Variants in PROSER2 observed in about 807,000 individuals in gnomAD.
PROSER2 encodes proline and serine-rich protein 2.
PROSER2 carries 18 observed loss-of-function variants against 14.6 expected under a neutral mutation model. The ratio of observed to expected loss-of-function variants is 1.23; its 90% CI spans 0.85 to 1.83. PROSER2 has a LOEUF of 1.83. PROSER2 is among the 40% of genes most tolerant of loss of function. PROSER2 has a pLI of 0.00. For missense variants in PROSER2, 823 were observed against 629.8 expected (o/e 1.31, Z -3.28); for synonymous variants, 367 against 286.4 (o/e 1.28, Z -2.84).
intron 1 of PROSER2, among the ~76,000 whole-genome samples, chr10:11,827,223 T>C (rs1833627857): frequency 6.6e-6 from 1 of 151,828 alleles, no homozygotes. Context: ...CCGGTCCTCC[T>C]AGTGGGTATG....
chr10:11,827,788 C>A (rs1444178243), intron 1 of PROSER2, among the ~76,000 whole-genome samples: 2 of 151,860 alleles, frequency 1.3e-5, no homozygotes, highest in Non-Finnish European at 2.9e-5. Flanking sequence ...AGATGATCCT[C>A]CCCCCTCAGC....
In PROSER2 at chr10:11,847,886, C is replaced by T. The variant is rs147039989; in HGVS notation, c.-81-4111C>T. 3.2e-3 allele frequency among the ~76,000 whole-genome samples: 481 copies of T among 152,296 alleles called. 3 individuals are homozygous for T. The highest frequency in any genetic ancestry group is 0.01 in the Middle Eastern group (3 of 294). On this transcript the variant is annotated intron_variant, in intron 1 of 3. Coordinates refer to ENST00000277570, the MANE Select transcript of PROSER2 (RefSeq NM_153256.4). ...GCCACCACAGTTTTCACATCTTCATCGTCTCTTTTGTGAACTGATAAAATA... is the reference window on the plus strand; with the variant it reads ...GCCACCACAGTTTTCACATCTTCATTGTCTCTTTTGTGAACTGATAAAATA...
In PROSER2 at chr10:11,834,826, G is replaced by A. The variant is rs138449909; in HGVS notation, c.-82+11356G>A. The stretch of plus-strand genomic sequence containing the variant: ...TTAGAAATGTTAGTTATTGAGGCTG[G>A]GCGCAGTGGCTCACGCCTGTAATCA... On this transcript the variant is annotated intron_variant, in intron 1 of 3. Coordinates refer to ENST00000277570, the MANE Select transcript of PROSER2 (RefSeq NM_153256.4). Among the ~76,000 whole-genome samples, 25 of 152,176 alleles carry A rather than the reference G, an allele frequency of 1.6e-4. No homozygotes were observed. The East Asian group carries it at 4.8e-3, about 30-fold the overall frequency.
At chr10:11,855,465 C>G (rs1834107343) in intron 2 of PROSER2, among the ~76,000 whole-genome samples, 1 of 130,384 alleles carries the variant, frequency 7.7e-6, no homozygotes, top group African/African-American at 2.8e-5. Context: ...CAGAGCAAGA[C>G]TCCATCTCAA....
chr10:11,864,739 C>A (rs902132148), intron 2 of PROSER2, among the ~76,000 whole-genome samples: 1 of 152,030 alleles, frequency 6.6e-6, no homozygotes, highest in Non-Finnish European at 1.5e-5. Flanking sequence ...CAGGTGCACA[C>A]CACCATGCCC....
chr10:11,848,157 G>GT (rs1229851558), intron 1 of PROSER2, among the ~76,000 whole-genome samples: 1 of 151,396 alleles, frequency 6.6e-6, no homozygotes, highest in Non-Finnish European at 1.5e-5. Flanking sequence ...GTTTTGTTTT[G>GT]TTTTTGTTTG....
Position 11,862,807 on chromosome 10 carries a change from G to T in PROSER2, c.139-3724G>T. 1 of 152,128 alleles carries T rather than the reference G, an allele frequency of 6.6e-6. No individual in the cohort carries two copies. The highest frequency in any genetic ancestry group is 1.5e-5 in the Non-Finnish European group (1 of 68,028). 9.4% of individuals were successfully genotyped at this position (152,128 alleles called of 1,614,324 possible). A position where few individuals can be genotyped will look rare whatever the true frequency, so the allele number is the denominator to read the frequency against. Reference sequence around the variant, plus strand: ...TCTTATCCCAAACATTTCCGATGAGGAGTACTCACCTGTATTATGGAGAAA... The same window carrying T: ...TCTTATCCCAAACATTTCCGATGAGTAGTACTCACCTGTATTATGGAGAAA... On this transcript the variant is annotated intron_variant, in intron 2 of 3. Transcript: ENST00000277570. The surrounding 1 kb of genome is among the most constrained non-coding windows in gnomAD (Gnocchi z 4.2).
In PROSER2 at chr10:11,840,244, C is replaced by A. The variant is rs4750124; in HGVS notation, c.-81-11753C>A. On this transcript the variant is annotated intron_variant, in intron 1 of 3. Transcript: ENST00000277570. Reference sequence around the variant, plus strand: ...CTGGGATTATAGGTGTGAGCCACCACGCTGTCCTCATTTGTTGTCATTAAA... The same window carrying A: ...CTGGGATTATAGGTGTGAGCCACCAAGCTGTCCTCATTTGTTGTCATTAAA... 9.3e-5 allele frequency among the ~76,000 whole-genome samples: 14 copies of A among 149,944 alleles called. 1 individual carries two copies. In the Middle Eastern group the frequency reaches 0.01, roughly 109 times the overall value.
intron 1 of PROSER2, among the ~76,000 whole-genome samples, chr10:11,833,681 G>T (rs538191835): frequency 1.3e-5 from 2 of 152,204 alleles, no homozygotes; most frequent in East Asian, 3.9e-4. Flanking sequence ...ACAAGAGTGA[G>T]GCTCCATCTC....
intron 1 of PROSER2, among the ~76,000 whole-genome samples, chr10:11,826,315 G>T (rs1833611902): frequency 6.6e-6 from 1 of 152,110 alleles, no homozygotes; most frequent in South Asian, 2.1e-4. Context: ...TTTGGCTATT[G>T]TGAATAGTAC....
intron 2 of PROSER2, chr10:11,857,499 C>T (rs547370590): frequency 1.3e-5 from 2 of 152,296 alleles, no homozygotes; most frequent in East Asian, 1.9e-4. Flanking sequence ...CATCCCAGCA[C>T]TTTGGGAGGC....
chr10:11,842,928 GTT>G (rs1833865625), intron 1 of PROSER2, among the ~76,000 whole-genome samples: 1 of 51,714 alleles, frequency 1.9e-5, no homozygotes, highest in South Asian at 6.7e-4. Context: ...TTTTGCCATT[GTT>G]CTTTTTTTTT....
intron 1 of PROSER2, chr10:11,849,611 T>C (rs1363824439): frequency 1.3e-5 from 2 of 152,396 alleles, no homozygotes; most frequent in East Asian, 3.9e-4. Context: ...TGATGACTGA[T>C]TGGCTGAAAC....
rs548415264 is a variant in PROSER2, at chr10:11,864,868, C to T, written c.139-1663C>T. Reference sequence around the variant, plus strand: ...CCTCCCACAGTACTGGGATTACAGGCGTGAGCCACCGCACCTGGCTTCTGA... The same window carrying T: ...CCTCCCACAGTACTGGGATTACAGGTGTGAGCCACCGCACCTGGCTTCTGA... On this transcript the variant is annotated intron_variant, in intron 2 of 3. Coordinates refer to ENST00000277570, the MANE Select transcript of PROSER2 (RefSeq NM_153256.4). 4.9e-4 allele frequency among the ~76,000 whole-genome samples: 75 copies of T among 152,232 alleles called. No homozygotes were observed. The South Asian group carries it at 0.011, about 22-fold the overall frequency.
intron 2 of PROSER2, among the ~76,000 whole-genome samples, chr10:11,861,572 G>C (rs746781645): frequency 6.6e-6 from 1 of 152,148 alleles, no homozygotes; most frequent in South Asian, 2.1e-4. Context: ...GATGGGCGTC[G>C]CTGCCTTAGA....
chr10:11,829,084 G>T (rs1230660075), intron 1 of PROSER2, among the ~76,000 whole-genome samples: 1 of 152,086 alleles, frequency 6.6e-6, no homozygotes, highest in Non-Finnish European at 1.5e-5. Context: ...AGCTTTCTGA[G>T]TAGGTTGCAG....
rs1331437033 is a variant in PROSER2, at chr10:11,869,853, G to T, written c.755G>T (p.Arg252Leu). Residue 252 changes from arginine (R) to leucine (L), a missense_variant, in exon 4 of 4, where the codon CGC (arginine) becomes CTC (leucine). By Grantham distance (102) the Arg-to-Leu change is moderately radical. Transcript: ENST00000277570. This position sits in a 1 kb window ranked among gnomAD's most constrained non-coding sequence, Gnocchi z 4.4. ...CACCCGGCGCAGCCCAAGGCACCCC[G>T]CTTCCCCAGCAACATCATCGTCACC... ...PSHPAQPKAP[R>L]FPSNIIVTNG... 2.5e-6 allele frequency: 4 copies of T among 1,590,476 alleles called. No individual in the cohort carries two copies. Among genetic ancestry groups the T allele is most frequent in the Non-Finnish European group, 3.4e-6 (4 of 1,170,810 alleles).
intron 2 of PROSER2, among the ~76,000 whole-genome samples, chr10:11,853,061 A>G (rs1588492837): frequency 6.6e-6 from 1 of 152,174 alleles, no homozygotes; most frequent in Non-Finnish European, 1.5e-5. Flanking sequence ...GGAGGAGCAC[A>G]GGAGAGAAAT....
intron 1 of PROSER2, among the ~76,000 whole-genome samples, chr10:11,842,933 T>C (rs1397149238): frequency 8.9e-5 from 1 of 11,240 alleles, no homozygotes; most frequent in South Asian, 3.8e-3. Context: ...CCATTGTTCT[T>C]TTTTTTTTTT....
Sources: gnomAD v4.1 joint callset for allele counts (sites outside exome capture counted in the v4.1 genomes callset) on GRCh38, gnomAD v4.1.1 for gene constraint, Gnocchi (gnomAD v3.1) non-coding constraint, MANE v1.5 for transcripts, NCBI Gene and HGNC (gene_info 2026-07-23, HGNC 2026-07-21) for gene names.